The following COL11A2 variants were observed in gnomAD, a reference collection of about 807,000 sequenced individuals.
COL11A2 encodes collagen alpha-2(XI) chain.
In COL11A2, 116 loss-of-function variants were observed where a neutral mutation model predicts 273.4. The ratio of observed to expected loss-of-function variants is 0.42; its 90% CI spans 0.36 to 0.49. COL11A2 has a LOEUF of 0.49. Ranked by LOEUF, COL11A2 falls within the 20% of genes least tolerant of loss-of-function variation. The pLI is 0.00. For missense variants in COL11A2, 1,866 were observed against 2,309.0 expected, an observed-to-expected ratio of 0.81 and a Z score of 3.93; for synonymous variants, 782 against 864.2, an observed-to-expected ratio of 0.90 and a Z score of 1.67.
At position 33,167,873 on chromosome 6, in the gene COL11A2, A is replaced by G; in HGVS notation, c.3961-21T>C. 6.2e-7 allele frequency: 1 copy of G among 1,612,762 alleles called. No individual in the cohort carries two copies. Among genetic ancestry groups the G allele is most frequent in the Non-Finnish European group, 8.5e-7 (1 of 1,179,914 alleles). On this transcript the variant is annotated intron_variant, in intron 54 of 65. Transcript: ENST00000341947. The surrounding 1 kb of genome is among the most constrained non-coding windows in gnomAD (Gnocchi z 6.1). ...GGACCCTGCAGGTGGAGTGGGAAGG[A>G]AGAGCACATGAGGCCGTGGGCAGCC... is the stretch of plus-strand genomic sequence containing the variant.
rs1360708278 is a variant in COL11A2 at position 33,178,998 on chromosome 6, A to G, written c.1612-25T>C. The G allele has an allele frequency of 6.2e-7, 1 of 1,614,010 alleles. No homozygotes were observed. The highest frequency in any genetic ancestry group is 1.7e-5 in the Admixed American group (1 of 60,014). On this transcript the variant is annotated intron_variant, in intron 16 of 65. Coordinates refer to ENST00000341947, the MANE Select transcript of COL11A2 (RefSeq NM_080680.3). This position sits in a 1 kb window ranked among gnomAD's most constrained non-coding sequence, Gnocchi z 4.6. ...CCTGGGAGAACAAGGGAAGTGTCAG[A>G]ACAAGCAGGGCCGCAGTCCCCTACC...
At chr6:33,180,871 G>A (rs2855417) in intron 10 of COL11A2, 93 bp downstream of exon 10, 27 of 1,570,292 alleles carry the variant, frequency 1.7e-5, no homozygotes, top group Non-Finnish European at 2.3e-5. Flanking sequence ...GAGTTCTGAG[G>A]AGGAGGCCTG....
chr6:33,167,450 A>G lies in COL11A2; in HGVS notation c.4098T>C (p.Gly1366=). 1.2e-6 allele frequency: 2 copies of G among 1,612,700 alleles called. No individual in the cohort carries two copies. Among genetic ancestry groups the G allele is most frequent in the East Asian group, 2.2e-5 (1 of 44,868 alleles). The change falls in exon 56 of 66, where the codon GGT becomes GGC. Residue 1366 remains glycine, a synonymous_variant. Transcript: ENST00000341947. This position sits in a 1 kb window ranked among gnomAD's most constrained non-coding sequence, Gnocchi z 6.1. The stretch of plus-strand genomic sequence containing the variant: ...CCACTGAGCCTGGGAGCCCCCTCAG[A>G]CCATCAGGGCCAGGTTTCCCTGCTG... The part of the protein sequence containing the change: ...AGPAGKPGPD[G]LRGLPGSVGQ...
rs186802490 is a variant in COL11A2, at chr6:33,183,067, C to T, written c.1119+1078G>A. ...GGCAAGAGAGGGGAGGTATGGGATG[C>T]GGCAGCAGGGTAGAGGAGGCAGCCA... On this transcript the variant is annotated intron_variant, in intron 8 of 65. Coordinates refer to ENST00000341947, the MANE Select transcript of COL11A2 (RefSeq NM_080680.3). Among the ~76,000 whole-genome samples, 22 of 152,142 alleles carry T rather than the reference C, an allele frequency of 1.4e-4. 1 individual carries two copies. In the East Asian group the frequency reaches 2.9e-3, roughly 20 times the overall value.
Position 33,166,501 on chromosome 6 carries a change from G to A in COL11A2, c.4392+12C>T, listed in dbSNP as rs117267045. 3,335 of 1,613,058 alleles carry A rather than the reference G, an allele frequency of 2.1e-3. 238 individuals carry two copies. In the East Asian group the frequency reaches 0.031, roughly 15 times the overall value. ...TTAGGGGATTTTGTGGAGGAACAGA[G>A]GCAGTACTCACGGGGAGGCCGGGGG... On this transcript the variant is annotated intron_variant, in intron 60 of 65. Coordinates refer to ENST00000341947, the MANE Select transcript of COL11A2 (RefSeq NM_080680.3). This position sits in a 1 kb window ranked among gnomAD's most constrained non-coding sequence, Gnocchi z 4.8.
Position 33,172,327 on chromosome 6 carries a change from TCA to T in COL11A2, c.2948_2949del (p.Leu983GlnfsTer22). On this transcript the variant is annotated frameshift_variant, in exon 40 of 66. Coordinates refer to ENST00000341947, the MANE Select transcript of COL11A2 (RefSeq NM_080680.3). LOFTEE classifies it high-confidence loss of function. ...AGGCCTCTCTCTCCTGGGAATCCCC[TCA>T]GACCAGCAGGACCATCCTTCCCTGG... is the stretch of plus-strand genomic sequence containing the variant. ...GAPGKDGPAG[L>X]RGFPGERGLP... The T allele has an allele frequency of 6.3e-7, 1 of 1,589,064 alleles. No individual in the cohort carries two copies. Among genetic ancestry groups the T allele is most frequent in the Non-Finnish European group, 8.6e-7 (1 of 1,168,588 alleles).
rs1486478872 is a variant in COL11A2 at position 33,172,065 on chromosome 6, G to A, written c.3027C>T (p.Gly1009=). The change falls in exon 41 of 66, where the codon GGC becomes GGT. Residue 1009 remains glycine, a synonymous_variant. Coordinates refer to ENST00000341947, the MANE Select transcript of COL11A2 (RefSeq NM_080680.3). ...PGLKGNEGPS[G]PPGPAGSPGE... is the part of the protein sequence containing the mutation. ...CCAGACTCACTGCAGGGCCAGGGGGGCCAGACGGACCTTCATTCCCCTTCA... is the reference window on the plus strand; with the variant it reads ...CCAGACTCACTGCAGGGCCAGGGGGACCAGACGGACCTTCATTCCCCTTCA... 3 of 1,612,852 alleles carry A rather than the reference G, an allele frequency of 1.9e-6. No homozygotes were observed. The highest frequency in any genetic ancestry group is 2.5e-6 in the Non-Finnish European group (3 of 1,179,998).
chr6:33,164,183 G>T lies in COL11A2; in HGVS notation c.5070+84C>A. 6.7e-7 allele frequency: 1 copy of T among 1,492,682 alleles called. No individual in the cohort carries two copies. The allele number at this position is 1,492,682 out of a possible 1,614,324, so 92.5% of individuals were successfully genotyped here. A position where few individuals can be genotyped will look rare whatever the true frequency, so the allele number is the denominator to read the frequency against. On this transcript the variant is annotated intron_variant, in intron 65 of 65. Transcript: ENST00000341947. The surrounding 1 kb of genome is among the most constrained non-coding windows in gnomAD (Gnocchi z 4.7). ...ACGGACTCCTCCCTGCTCCCCCTGG[G>T]TGCCCTGCCCAAGGGGTCTTCCCAC...
chr6:33,186,633 C>T lies in COL11A2; in HGVS notation c.792G>A (p.Gln264=), dbSNP rs376441071. 3.1e-6 allele frequency: 5 copies of T among 1,614,128 alleles called. No individual in the cohort carries two copies. Among genetic ancestry groups the T allele is most frequent in the Non-Finnish European group, 4.2e-6 (5 of 1,180,028 alleles). The change falls in exon 5 of 66, where the codon CAG becomes CAA. Residue 264 remains glutamine (Q), a synonymous_variant. Coordinates refer to ENST00000341947, the MANE Select transcript of COL11A2 (RefSeq NM_080680.3). ...GTTCTCCCAGCTCCCTCACCTGGCTCTGGGGTTCCTGATTTTGTGGCCTGT... is the reference window on the plus strand; with the variant it reads ...GTTCTCCCAGCTCCCTCACCTGGCTTTGGGGTTCCTGATTTTGTGGCCTGT... ...RLHRPQNQEP[Q]SQPTESLYYD...
rs2150578728 is a variant in COL11A2, at chr6:33,179,009, C to G, written c.1612-36G>C. On this transcript the variant is annotated intron_variant, in intron 16 of 65. Transcript: ENST00000341947. This position sits in a 1 kb window ranked among gnomAD's most constrained non-coding sequence, Gnocchi z 6.4. ...AAGGGAAGTGTCAGAACAAGCAGGG[C>G]CGCAGTCCCCTACCCTGCAGGCCCT... 1 of 1,614,014 alleles carries G rather than the reference C, an allele frequency of 6.2e-7. No individual in the cohort carries two copies. The highest frequency in any genetic ancestry group is 8.5e-7 in the Non-Finnish European group (1 of 1,179,916).
rs1489166933 is a variant in COL11A2 at position 33,173,261 on chromosome 6, A to AACGT, written c.2736+83_2736+86dup. ...AGGGCAGGCTCCACTCTGCCAGGAG[A>AACGT]ACGTCCCTGTGGGCTTTCCAGACAG... On this transcript the variant is annotated intron_variant, in intron 37 of 65. Coordinates refer to ENST00000341947, the MANE Select transcript of COL11A2 (RefSeq NM_080680.3). This position sits in a 1 kb window ranked among gnomAD's most constrained non-coding sequence, Gnocchi z 6.3. 1.1e-5 allele frequency: 18 copies of AACGT among 1,570,834 alleles called. No homozygotes were observed. Among genetic ancestry groups the AACGT allele is most frequent in the Non-Finnish European group, 1.6e-5 (18 of 1,150,174 alleles).
rs1769684618 is a variant in COL11A2 at position 33,169,282 on chromosome 6, G to A, written c.3798+101C>T. The A allele has an allele frequency of 8.8e-7, 1 of 1,130,090 alleles. No homozygotes were observed. Among genetic ancestry groups the A allele is most frequent in the Non-Finnish European group, 1.3e-6 (1 of 770,994 alleles). The allele number at this position is 1,130,090 out of a possible 1,614,324, so 70.0% of individuals were successfully genotyped here. On this transcript the variant is annotated intron_variant, in intron 51 of 65. Transcript: ENST00000341947. This position sits in a 1 kb window ranked among gnomAD's most constrained non-coding sequence, Gnocchi z 5.5. ...TCCCAGAGCATCCCCCAAACTCCCG[G>A]GCTCCCCACACTCCAAGATCCTCCC...
chr6:33,166,949 G>A lies in COL11A2; in HGVS notation c.4230+121C>T. ...GTCCGTGAGTGGCCCTCACTGAGCA[G>A]GGACTCCCTGGGACTGGCTGCCGGA... On this transcript the variant is annotated intron_variant, in intron 58 of 65. Coordinates refer to ENST00000341947, the MANE Select transcript of COL11A2 (RefSeq NM_080680.3). The surrounding 1 kb of genome is among the most constrained non-coding windows in gnomAD (Gnocchi z 4.8). The A allele has an allele frequency of 1.3e-6, 2 of 1,516,224 alleles. No individual in the cohort carries two copies. The highest frequency in any genetic ancestry group is 1.8e-6 in the Non-Finnish European group (2 of 1,105,572). 93.9% of individuals were successfully genotyped at this position (1,516,224 alleles called of 1,614,324 possible).
rs200635355 is a variant in COL11A2, at chr6:33,179,787, C to A, written c.1378G>T (p.Gly460Trp). ...GCCACCACAGGGCCCTTGTCACCCC[C>A]ACCACTGCCAAACCGGAACTGAGGT... is the stretch of plus-strand genomic sequence containing the variant. ...LMLPFRFGSGGGDKGPVVAAQ... is the reference protein window; with the variant it reads ...LMLPFRFGSGWGDKGPVVAAQ... The change falls in exon 13 of 66, where the codon GGG becomes TGG. Residue 460 changes from glycine (G) to tryptophan (W), a missense_variant. Coordinates refer to ENST00000341947, the MANE Select transcript of COL11A2 (RefSeq NM_080680.3). The surrounding 1 kb of genome is among the most constrained non-coding windows in gnomAD (Gnocchi z 6.4). 4.6e-5 allele frequency: 74 copies of A among 1,611,706 alleles called. No homozygotes were observed. In the East Asian group the frequency reaches 1.5e-3, roughly 33 times the overall value.
intron 1 of COL11A2, 141 bp downstream of exon 1, chr6:33,192,018 C>T (rs1011002776): frequency 1.3e-6 from 1 of 780,164 alleles, no homozygotes; most frequent in Admixed American, 2.1e-5. Flanking sequence ...AGGTGTCCTG[C>T]CCTCCAGCCT....
chr6:33,179,330 C>CA lies in COL11A2; in HGVS notation c.1504-47dup. The CA allele has an allele frequency of 6.3e-7, 1 of 1,593,670 alleles. No homozygotes were observed. Among genetic ancestry groups the CA allele is most frequent in the Non-Finnish European group, 8.5e-7 (1 of 1,171,232 alleles). Reference sequence around the variant, plus strand: ...TGGCCGTAAGGAAGGACACAGCCAACAGTGGCCTCGGAGTGTTCCCCAAAA... The same window carrying CA: ...TGGCCGTAAGGAAGGACACAGCCAACAAGTGGCCTCGGAGTGTTCCCCAAAA... On this transcript the variant is annotated intron_variant, in intron 14 of 65. Coordinates refer to ENST00000341947, the MANE Select transcript of COL11A2 (RefSeq NM_080680.3). The surrounding 1 kb of genome is among the most constrained non-coding windows in gnomAD (Gnocchi z 6.4).
In COL11A2 at chr6:33,177,180, C is replaced by T; in HGVS notation, c.2016+1G>A. 6.2e-7 allele frequency: 1 copy of T among 1,613,056 alleles called. No individual in the cohort carries two copies. On this transcript the variant is annotated splice_donor_variant, in intron 24 of 65. Coordinates refer to ENST00000341947, the MANE Select transcript of COL11A2 (RefSeq NM_080680.3). LOFTEE classifies it high-confidence loss of function. This position sits in a 1 kb window ranked among gnomAD's most constrained non-coding sequence, Gnocchi z 5.9. ...GTCCTCCAAATCACTTAGTCACTTA[C>T]CTTCTCTCCATGAGGGCCGATGGCA...
chr6:33,170,764 C>A lies in COL11A2; in HGVS notation c.3474+46G>T. On this transcript the variant is annotated intron_variant, in intron 46 of 65. Coordinates refer to ENST00000341947, the MANE Select transcript of COL11A2 (RefSeq NM_080680.3). This position sits in a 1 kb window ranked among gnomAD's most constrained non-coding sequence, Gnocchi z 4.3. ...GCAGAGTCTGGGGCAAAACATCACC[C>A]CATCCTGACCCCACCTCTCAGCCCC... is the stretch of plus-strand genomic sequence containing the variant. 1 of 1,602,740 alleles carries A rather than the reference C, an allele frequency of 6.2e-7. No homozygotes were observed. The highest frequency in any genetic ancestry group is 8.5e-7 in the Non-Finnish European group (1 of 1,170,912).
upstream of COL11A2, among the ~76,000 whole-genome samples, chr6:33,193,374 C>A (rs980428694): frequency 6.9e-6 from 1 of 144,438 alleles, no homozygotes; most frequent in Non-Finnish European, 1.5e-5. Context: ...AATCCACCGC[C>A]CCCCCTTCCT....
Sources: gnomAD v4.1 joint callset for allele counts (sites outside exome capture counted in the v4.1 genomes callset) on GRCh38, gnomAD v4.1.1 for gene constraint, Gnocchi (gnomAD v3.1) non-coding constraint, MANE v1.5 for transcripts, NCBI Gene and HGNC (gene_info 2026-07-23, HGNC 2026-07-21) for gene names.